The following BTRC variants were observed in gnomAD, a reference collection of about 807,000 sequenced individuals.
BTRC encodes the protein beta-transducin repeat containing E3 ubiquitin protein ligase, also known as F-box/WD repeat-containing protein 1A.
Under a neutral mutation model 85.5 loss-of-function variants are expected in BTRC, and 42 were observed. That is an observed-to-expected ratio of 0.49 (90% confidence interval 0.38 to 0.64). The LOEUF is 0.64. Among genes scored for constraint, BTRC ranks in the 30% least tolerant of loss-of-function variants. The probability of loss-of-function intolerance (pLI) is 0.00; values close to 1 mark genes in which losing one functional copy is unlikely to be tolerated. For synonymous variants in BTRC, 255 were observed against 263.3 expected (o/e 0.97, Z 0.30); for missense variants, 594 against 743.5 (o/e 0.80, Z 2.34).
At chr10:101,453,047 G>T (rs1177669880) in intron 2 of BTRC, among the ~76,000 whole-genome samples, 1 of 152,008 alleles carries the variant, frequency 6.6e-6, no homozygotes. Flanking sequence ...GAGTTTGAGT[G>T]ATTTTGTCCA....
At chr10:101,403,470 C>T (rs764415335) in intron 1 of BTRC, among the ~76,000 whole-genome samples, 3 of 152,140 alleles carry the variant, frequency 2.0e-5, no homozygotes, top group Non-Finnish European at 4.4e-5. Flanking sequence ...AGGATTTTTG[C>T]CTATATGGCC....
chr10:101,500,543 C>G (rs1178783911), intron 4 of BTRC, among the ~76,000 whole-genome samples: 2 of 151,946 alleles, frequency 1.3e-5, no homozygotes, highest in Non-Finnish European at 2.9e-5. Flanking sequence ...TTTCTGAAAG[C>G]CTTTATTAAA....
intron 1 of BTRC, among the ~76,000 whole-genome samples, chr10:101,357,203 G>A (rs1300829253): frequency 1.3e-5 from 2 of 151,834 alleles, no homozygotes; most frequent in Non-Finnish European, 2.9e-5. Flanking sequence ...AGCACTTTGG[G>A]AGGCTGAGGC....
At chr10:101,531,370 C>T (rs1564829696) in intron 7 of BTRC, 37 bp downstream of exon 7, 1 of 1,438,914 alleles carries the variant, frequency 6.9e-7, no homozygotes, top group East Asian at 2.3e-5. Context: ...TGCCCAAGGG[C>T]ACAGAATTAT....
rs547910276 is a variant in BTRC, at chr10:101,364,124, G to A, written c.48+9896G>A. On this transcript the variant is annotated intron_variant, in intron 1 of 14. Transcript: ENST00000370187. ...AGTACAGTTGATTTAGAGAAGAATG[G>A]TAAGATGCTTATTATGACAACTATT... Among the ~76,000 whole-genome samples, 388 of 130,296 alleles carry A rather than the reference G, an allele frequency of 3.0e-3. 3 individuals are homozygous for A. The highest frequency in any genetic ancestry group is 9.4e-3 in the African/African-American group (373 of 39,604). 85.5% of individuals were successfully genotyped at this position (130,296 alleles called of 152,430 possible).
At chr10:101,459,208 A>G (rs1945158201) in intron 2 of BTRC, among the ~76,000 whole-genome samples, 1 of 152,222 alleles carries the variant, frequency 6.6e-6, no homozygotes, top group South Asian at 2.1e-4. Flanking sequence ...AAAATTATGC[A>G]CATAGCTTAT....
chr10:101,439,738 G>A (rs1944631088), intron 2 of BTRC, among the ~76,000 whole-genome samples: 1 of 152,214 alleles, frequency 6.6e-6, no homozygotes, highest in Admixed American at 6.5e-5. Flanking sequence ...AGGCTGTGGG[G>A]CAAAGGAGAT....
chr10:101,487,841 A>G (rs962347228), intron 4 of BTRC, among the ~76,000 whole-genome samples: 3 of 152,176 alleles, frequency 2.0e-5, no homozygotes, highest in Non-Finnish European at 4.4e-5. Flanking sequence ...TCAGTTTCTG[A>G]AAAGGAAAGC....
At chr10:101,477,659 T>G (rs1226602797) in intron 3 of BTRC, among the ~76,000 whole-genome samples, 1 of 152,126 alleles carries the variant, frequency 6.6e-6, no homozygotes, top group Non-Finnish European at 1.5e-5. Context: ...TTTCTTTCTT[T>G]TTTATTTGGA....
chr10:101,377,069 A>G (rs1942809221), intron 1 of BTRC, among the ~76,000 whole-genome samples: 1 of 152,136 alleles, frequency 6.6e-6, no homozygotes, highest in South Asian at 2.1e-4. Flanking sequence ...AAAAACTCTT[A>G]TACTCTTCCT....
At chr10:101,539,835 A>G (rs1450972842) in intron 13 of BTRC, among the ~76,000 whole-genome samples, 1 of 152,204 alleles carries the variant, frequency 6.6e-6, no homozygotes, top group Non-Finnish European at 1.5e-5. Context: ...TCTTGCCAGT[A>G]CTGAGCACAG....
chr10:101,495,096 A>C (rs558556988), intron 4 of BTRC, among the ~76,000 whole-genome samples: 30 of 152,300 alleles, frequency 2.0e-4, no homozygotes, highest in Middle Eastern at 3.4e-3. Flanking sequence ...TTCCTCTACC[A>C]AAGAGCAGGG....
chr10:101,407,097 C>A (rs1329290015), intron 1 of BTRC, among the ~76,000 whole-genome samples: 2 of 152,134 alleles, frequency 1.3e-5, no homozygotes, highest in Non-Finnish European at 2.9e-5. Context: ...GTGGCTCATG[C>A]TTGTAATCCC....
chr10:101,390,602 G>C (rs1279827758), intron 1 of BTRC, among the ~76,000 whole-genome samples: 1 of 151,896 alleles, frequency 6.6e-6, no homozygotes, highest in Non-Finnish European at 1.5e-5. Flanking sequence ...AAAGCGCTAG[G>C]ATTACAGGCG....
intron 4 of BTRC, among the ~76,000 whole-genome samples, chr10:101,480,494 A>G (rs1275200982): frequency 3.3e-5 from 5 of 152,336 alleles, no homozygotes; most frequent in East Asian, 1.9e-4. Context: ...TGCCTCATAG[A>G]TGGTGCCTTC....
At position 101,526,061 on chromosome 10, in the gene BTRC, C is replaced by T. The variant is rs759367212; in HGVS notation, c.605C>T (p.Ala202Val). Reference sequence around the variant, plus strand: ...GAGAACATTCTGTCATACCTGGATGCCAAATCACTATGTGCTGCTGAACTT... The same window carrying T: ...GAGAACATTCTGTCATACCTGGATGTCAAATCACTATGTGCTGCTGAACTT... ...IAENILSYLD[A>V]KSLCAAELVC... The change falls in exon 6 of 15, where the codon GCC becomes GTC. Residue 202 changes from alanine to valine, a missense_variant. Ala to Val is a moderately conservative substitution (Grantham distance 64). This residue lies in a region of BTRC where 373 missense variants were observed against 503.6 expected (regional missense o/e 0.74). Transcript: ENST00000370187. 1 of 1,614,158 alleles carries T rather than the reference C, an allele frequency of 6.2e-7. No homozygotes were observed. Among genetic ancestry groups the T allele is most frequent in the Non-Finnish European group, 8.5e-7 (1 of 1,180,026 alleles).
intron 4 of BTRC, among the ~76,000 whole-genome samples, chr10:101,510,140 G>T (rs1194368270): frequency 6.6e-6 from 1 of 150,418 alleles, no homozygotes; most frequent in Admixed American, 6.6e-5. Flanking sequence ...CTCAAAAAAA[G>T]AAAAAAAGAA....
chr10:101,440,981 ATTG>A (rs1944664790), intron 2 of BTRC, among the ~76,000 whole-genome samples: 1 of 152,142 alleles, frequency 6.6e-6, no homozygotes, highest in African/African-American at 2.4e-5. Context: ...AGAACTAGTT[ATTG>A]TTGTTTTTAA....
chr10:101,510,393 C>A (rs1946671161), intron 4 of BTRC, among the ~76,000 whole-genome samples: 2 of 151,362 alleles, frequency 1.3e-5, no homozygotes, highest in African/African-American at 4.9e-5. Flanking sequence ...GCCTGTAGTC[C>A]CAGCTACTCC....
Sources: gnomAD v4.1 joint callset for allele counts (sites outside exome capture counted in the v4.1 genomes callset) on GRCh38, gnomAD v4.1.1 for gene constraint, gnomAD v4.1.1 regional missense constraint, MANE v1.5 for transcripts, NCBI Gene and HGNC (gene_info 2026-07-23, HGNC 2026-07-21) for gene names.